The following NELL2 variants were observed in gnomAD, a reference collection of about 807,000 sequenced individuals.
NELL2 encodes protein kinase C-binding protein NELL2.
NELL2 carries 41 observed loss-of-function variants against 109.6 expected under a neutral mutation model. That is an observed-to-expected ratio of 0.37 (90% confidence interval 0.29 to 0.49). NELL2 has a LOEUF of 0.49. NELL2 is among the 20% of genes least tolerant of loss of function. The pLI is 0.98. For synonymous variants in NELL2, 355 were observed against 344.7 expected, an observed-to-expected ratio of 1.03 and a Z score of -0.33; for missense variants, 900 against 1,008.3, an observed-to-expected ratio of 0.89 and a Z score of 1.45.
chr12:44,534,969 C>G (rs750580485), intron 15 of NELL2, among the ~76,000 whole-genome samples: 1 of 151,990 alleles, frequency 6.6e-6, no homozygotes, highest in Non-Finnish European at 1.5e-5. Context: ...TCATTTCTCT[C>G]TTGTCACTCC....
At chr12:44,829,307 T>C (rs1482532390) in intron 2 of NELL2, among the ~76,000 whole-genome samples, 1 of 152,184 alleles carries the variant, frequency 6.6e-6, no homozygotes, top group East Asian at 1.9e-4. Context: ...CCCGACTCAA[T>C]ACCTATAAAT....
chr12:44,532,840 T>C (rs1942142887), intron 15 of NELL2, 119 bp from the exon 16 acceptor site: 1 of 891,258 alleles, frequency 1.1e-6, no homozygotes. Context: ...TGGGAAAATA[T>C]AAAATTAAGA....
chr12:44,892,827 A>T (rs953960257), intron 1 of NELL2, among the ~76,000 whole-genome samples: 1 of 151,492 alleles, frequency 6.6e-6, no homozygotes, highest in Non-Finnish European at 1.5e-5. Context: ...AAAGAAACCA[A>T]ATTCAACATT....
chr12:44,623,266 T>C (rs1406104307), intron 13 of NELL2, among the ~76,000 whole-genome samples: 5 of 152,114 alleles, frequency 3.3e-5, no homozygotes, highest in Non-Finnish European at 5.9e-5. Context: ...TATATATGTG[T>C]GTGTATGTAT....
At chr12:44,794,331 T>C (rs1428177662) in intron 3 of NELL2, among the ~76,000 whole-genome samples, 2 of 152,178 alleles carry the variant, frequency 1.3e-5, no homozygotes, top group African/African-American at 2.4e-5. Context: ...TCAGCTATCA[T>C]TTCCATTTCA....
intron 2 of NELL2, among the ~76,000 whole-genome samples, chr12:44,855,096 G>A (rs997601749): frequency 1.3e-5 from 2 of 152,010 alleles, no homozygotes; most frequent in Non-Finnish European, 2.9e-5. Flanking sequence ...TTTATACTAA[G>A]TCTTCAGCAC....
At chr12:44,581,661 T>G (rs1944326870) in intron 15 of NELL2, among the ~76,000 whole-genome samples, 1 of 48,176 alleles carries the variant, frequency 2.1e-5, no homozygotes, top group Non-Finnish European at 3.5e-5. Context: ...TTGAAAAAAT[T>G]CAGTTTGTTT....
rs74502261 is a variant in NELL2 at position 44,888,717 on chromosome 12, C to T, written c.39-12817G>A. On this transcript the variant is annotated intron_variant, in intron 1 of 20. Transcript: ENST00000333837. ...AATCATATTCTTATTCACGTGTCGACAATAGGAAGTATAAGAGATGACCTA... is the reference window on the plus strand; with the variant it reads ...AATCATATTCTTATTCACGTGTCGATAATAGGAAGTATAAGAGATGACCTA... Among the ~76,000 whole-genome samples, 602 of 151,734 alleles carry T rather than the reference C, an allele frequency of 4.0e-3. 5 individuals are homozygous for T. The highest frequency in any genetic ancestry group is 6.6e-3 in the Non-Finnish European group (450 of 67,948).
At chr12:44,774,067 C>T (rs1941654941) in intron 9 of NELL2, among the ~76,000 whole-genome samples, 2 of 149,338 alleles carry the variant, frequency 1.3e-5, no homozygotes, top group South Asian at 2.1e-4. Flanking sequence ...TTTTTAAACA[C>T]TCTTTTTAAC....
At chr12:44,677,014 A>G (rs1948342855) in intron 12 of NELL2, among the ~76,000 whole-genome samples, 1 of 152,130 alleles carries the variant, frequency 6.6e-6, no homozygotes, top group African/African-American at 2.4e-5. Flanking sequence ...TGAGAAGGAC[A>G]GCGCCATCTG....
chr12:44,684,465 G>C (rs1335675226), intron 12 of NELL2, among the ~76,000 whole-genome samples: 1 of 152,062 alleles, frequency 6.6e-6, no homozygotes, highest in African/African-American at 2.4e-5. Flanking sequence ...GCTAGCTTTT[G>C]AATGTGTTTG....
intron 13 of NELL2, among the ~76,000 whole-genome samples, chr12:44,627,147 T>A (rs1329669016): frequency 6.6e-6 from 1 of 152,182 alleles, no homozygotes; most frequent in Non-Finnish European, 1.5e-5. Context: ...CCCTAGTGAA[T>A]GCTTTATGAA....
chr12:44,611,625 A>C (rs1438664081), intron 13 of NELL2, among the ~76,000 whole-genome samples: 8 of 152,094 alleles, frequency 5.3e-5, no homozygotes, highest in Admixed American at 6.6e-5. Context: ...AACTGCTTAT[A>C]ACTTGAAACT....
At chr12:44,591,829 C>T (rs1944763610) in intron 15 of NELL2, among the ~76,000 whole-genome samples, 1 of 152,150 alleles carries the variant, frequency 6.6e-6, no homozygotes, top group Non-Finnish European at 1.5e-5. Context: ...TACCTGATTT[C>T]ATCATTAGAC....
chr12:44,672,130 C>T (rs918331917), intron 12 of NELL2, among the ~76,000 whole-genome samples: 4 of 152,124 alleles, frequency 2.6e-5, no homozygotes, highest in Non-Finnish European at 4.4e-5. Flanking sequence ...CTGGAGCAAA[C>T]GTTAATTACA....
At chr12:44,815,063 T>TA (rs779611565) in intron 3 of NELL2, among the ~76,000 whole-genome samples, 1 of 152,188 alleles carries the variant, frequency 6.6e-6, no homozygotes, top group Non-Finnish European at 1.5e-5. Context: ...CCACAGATAG[T>TA]AAGTGGTGGA....
intron 9 of NELL2, among the ~76,000 whole-genome samples, chr12:44,743,620 G>A (rs1322644737): frequency 2.6e-5 from 4 of 151,740 alleles, no homozygotes; most frequent in East Asian, 3.9e-4. Flanking sequence ...CCAAGCAAAT[G>A]GAAAATAAAA....
chr12:44,893,312 T>C (rs553407309), intron 1 of NELL2, among the ~76,000 whole-genome samples: 1 of 147,072 alleles, frequency 6.8e-6, no homozygotes, highest in African/African-American at 2.5e-5. Flanking sequence ...TCTCCAATTT[T>C]CTCTATCAGA....
chr12:44,637,005 A>G (rs1202238897), intron 13 of NELL2, among the ~76,000 whole-genome samples: 1 of 152,030 alleles, frequency 6.6e-6, no homozygotes, highest in Non-Finnish European at 1.5e-5. Flanking sequence ...CCAGGAATTT[A>G]TCCACTTCTT....
Sources: allele counts gnomAD v4.1 joint callset (sites outside exome capture counted in the v4.1 genomes callset), GRCh38; gene constraint gnomAD v4.1.1; transcripts MANE v1.5; gene names NCBI Gene and HGNC (gene_info 2026-07-23, HGNC 2026-07-21).